The following RANGAP1 variants were observed in gnomAD, a reference collection of about 807,000 sequenced individuals.
The protein encoded by RANGAP1 is ran GTPase-activating protein 1.
A neutral mutation model predicts 63.5 loss-of-function variants in RANGAP1; 38 were observed. The ratio of observed to expected loss-of-function variants is 0.60; its 90% CI spans 0.46 to 0.78. The LOEUF (loss-of-function observed/expected upper bound fraction) is 0.78. RANGAP1 is among the 30% of genes least tolerant of loss of function. The pLI is 0.00. For missense variants in RANGAP1, 630 were observed against 740.3 expected (o/e 0.85, Z 1.73); for synonymous variants, 329 against 310.5 (o/e 1.06, Z -0.63).
intron 2 of RANGAP1, chr22:41,280,722 G>A (rs2035447586): frequency 6.6e-7 from 1 of 1,503,956 alleles, no homozygotes; most frequent in Non-Finnish European, 8.9e-7. Context: ...ACAAAGGGAT[G>A]CCCAATACAA....
chr22:41,297,831 C>T, the RANGAP1 span, among the ~76,000 whole-genome samples: 1 of 151,378 alleles, frequency 6.6e-6, no homozygotes, highest in Non-Finnish European at 1.5e-5. Flanking sequence ...GCTGGGACTA[C>T]AGGTGCACAC....
intron 2 of RANGAP1, among the ~76,000 whole-genome samples, chr22:41,275,320 C>CT (rs1345528146): frequency 2.0e-5 from 3 of 151,992 alleles, no homozygotes; most frequent in Admixed American, 2.0e-4. Flanking sequence ...TGGTGAAACT[C>CT]TGTCTTACTA....
chr22:41,264,707 T>C lies in RANGAP1; in HGVS notation c.437A>G (p.Glu146Gly). The change falls in exon 5 of 16, where the codon GAA becomes GGA. Residue 146 changes from glutamate to glycine, a missense_variant. Around this residue, in one of 3 missense-constraint regions of RANGAP1, gnomAD observed 137 missense variants for 214.3 expected, o/e 0.64. Coordinates refer to ENST00000356244, the MANE Select transcript of RANGAP1 (RefSeq NM_002883.4). Reference protein sequence around the residue: ...LKSSACFTLQELKLNNCGMGI... With the variant: ...LKSSACFTLQGLKLNNCGMGI... ...CATGCCACAGTTGTTGAGCTTGAGT[T>C]CCTGCAGGGTGAAGCAGGCTGAGCT... is the stretch of plus-strand genomic sequence containing the variant. The C allele has an allele frequency of 6.2e-7, 1 of 1,613,836 alleles. No homozygotes were observed. Among genetic ancestry groups the C allele is most frequent in the East Asian group, 2.2e-5 (1 of 44,874 alleles).
At position 41,277,361 on chromosome 22, in the gene RANGAP1, A is replaced by C; in HGVS notation, c.113-2634T>G. 1.2e-5 allele frequency: 9 copies of C among 759,128 alleles called. 1 individual carries two copies. In the South Asian group the frequency reaches 1.6e-4, roughly 13 times the overall value. The allele number at this position is 759,128 out of a possible 1,614,324, so 47.0% of individuals were successfully genotyped here. A position where few individuals can be genotyped will look rare whatever the true frequency, so the allele number is the denominator to read the frequency against. ...CCAAACTGCTGGGATTACAGGCGTG[A>C]GCCACCGCGCCCGGCCGAAAGTGAG... On this transcript the variant is annotated intron_variant, in intron 2 of 15. Transcript: ENST00000356244.
intron 2 of RANGAP1, chr22:41,280,553 T>C: frequency 1.7e-6 from 1 of 597,926 alleles, no homozygotes; most frequent in Non-Finnish European, 2.6e-6. Flanking sequence ...TGGGGAAAGC[T>C]GCAGCTATTC....
Position 41,252,933 on chromosome 22 carries a change from A to G in RANGAP1, c.1319T>C (p.Phe440Ser). 1 of 1,558,594 alleles carries G rather than the reference A, an allele frequency of 6.4e-7. No homozygotes were observed. Among genetic ancestry groups the G allele is most frequent in the South Asian group, 1.2e-5 (1 of 85,058 alleles). Residue 440 changes from phenylalanine to serine, a missense_variant, in exon 12 of 16, where the codon TTT becomes TCT. Phe to Ser is a radical substitution (Grantham distance 155). Transcript: ENST00000356244. The stretch of plus-strand genomic sequence containing the variant: ...GCGCAGCAGCTTCTCTGGAGAGGGA[A>G]AAGCCAGGAAGGTGGAGACGTCTGC... ...PPADVSTFLA[F>S]PSPEKLLRLG...
In RANGAP1 at chr22:41,274,609, C is replaced by T. The variant is rs776267502; in HGVS notation, c.231G>A (p.Ser77=). ...GCCCCACTCTGCTCACCTTCAACTC[C>T]GACTTCTTCTCTAAGGCCTTGGCGA... ...RVIAKALEKK[S]ELKRCHWSDM... Residue 77 remains serine, a synonymous_variant, in exon 3 of 16, where the codon TCG becomes TCA. Transcript: ENST00000356244. 8.5e-5 allele frequency: 137 copies of T among 1,614,056 alleles called. No homozygotes were observed. Among genetic ancestry groups the T allele is most frequent in the East Asian group, 1.1e-4 (5 of 44,894 alleles).
chr22:41,269,897 A>G (rs980061603), intron 3 of RANGAP1, among the ~76,000 whole-genome samples: 2 of 152,230 alleles, frequency 1.3e-5, no homozygotes, highest in African/African-American at 2.4e-5. Context: ...GCAGTGGAGC[A>G]ATCTCGGCTC....
rs1372618072 is a variant in RANGAP1 at position 41,245,518 on chromosome 22, G to A, written c.*1085C>T. 6.6e-6 allele frequency: 1 copy of A among 152,268 alleles called. No homozygotes were observed. Among genetic ancestry groups the A allele is most frequent in the East Asian group, 1.9e-4 (1 of 5,204 alleles). 9.4% of individuals were successfully genotyped at this position (152,268 alleles called of 1,614,324 possible). On this transcript the variant is annotated 3_prime_UTR_variant, in exon 16 of 16. Transcript: ENST00000356244. ...CTTCTGCAGGGCTGACTGCCCCACA[G>A]ACTGCTGCGGGGCCGCATGCTCTGC...
intron 2 of RANGAP1, 108 bp from the exon 3 acceptor site, chr22:41,274,835 C>T (rs939634757): frequency 7.3e-7 from 1 of 1,366,716 alleles, no homozygotes; most frequent in Non-Finnish European, 1.0e-6. Flanking sequence ...GGTGCACCTA[C>T]CATGCAATGA....
rs757029230 is a variant in RANGAP1, at chr22:41,252,980, G to A, written c.1272C>T (p.Pro424=). The stretch of plus-strand genomic sequence containing the variant: ...CTGCAGGAGGTGGGGAGGACAGCAC[G>A]GGAGCTGGCTCCTGGGAAGTAGGGG... ...ILDPNTGEPA[P]VLSSPPPADV... The change falls in exon 12 of 16, where the codon CCC becomes CCT. Residue 424 remains proline (P), a synonymous_variant. Coordinates refer to ENST00000356244, the MANE Select transcript of RANGAP1 (RefSeq NM_002883.4). 23 of 1,506,006 alleles carry A rather than the reference G, an allele frequency of 1.5e-5. No homozygotes were observed. Among genetic ancestry groups the A allele is most frequent in the Admixed American group, 4.8e-5 (2 of 42,012 alleles). The allele number at this position is 1,506,006 out of a possible 1,614,324, so 93.3% of individuals were successfully genotyped here. A position where few individuals can be genotyped will look rare whatever the true frequency, so the allele number is the denominator to read the frequency against.
chr22:41,301,166 T>C, the RANGAP1 span, among the ~76,000 whole-genome samples: 3 of 151,962 alleles, frequency 2.0e-5, no homozygotes, highest in African/African-American at 7.3e-5. Context: ...TTCCCATCTA[T>C]GAGAAGGGCA....
chr22:41,300,986 C>T, the RANGAP1 span, among the ~76,000 whole-genome samples: 1 of 152,120 alleles, frequency 6.6e-6, no homozygotes, highest in Non-Finnish European at 1.5e-5. Context: ...CTGAATTGAG[C>T]CCAAATACTC....
intron 3 of RANGAP1, 134 bp from the exon 4 acceptor site, chr22:41,268,290 T>C: frequency 1.3e-6 from 1 of 749,602 alleles, no homozygotes; most frequent in East Asian, 2.8e-5. Context: ...AGTTTCGCTC[T>C]TGTTGCCCAG....
chr22:41,285,875 T>A, intron 1 of RANGAP1, 111 bp downstream of exon 1: 1 of 219,330 alleles, frequency 4.6e-6, no homozygotes, highest in Non-Finnish European at 7.7e-6. Context: ...GAAGGCTAAG[T>A]GAAGAAGGCC....
intron 11 of RANGAP1, 158 bp from the exon 12 acceptor site, chr22:41,253,149 T>G: frequency 1.3e-6 from 1 of 766,234 alleles, no homozygotes; most frequent in Non-Finnish European, 1.8e-6. Context: ...ATTTCCCATC[T>G]ATCAATATCA....
At position 41,258,122 on chromosome 22, in the gene RANGAP1, A is replaced by G. The variant is rs2033954301; in HGVS notation, c.616-16T>C. Reference sequence around the variant, plus strand: ...TCCCGATGACCTGTGAAGAGGAGGCAGAGAGTGGAGGGGGCCCCGAGTGCC... The same window carrying G: ...TCCCGATGACCTGTGAAGAGGAGGCGGAGAGTGGAGGGGGCCCCGAGTGCC... On this transcript the variant is annotated splice_polypyrimidine_tract_variant and intron_variant, in intron 6 of 15. Transcript: ENST00000356244. 3.2e-6 allele frequency: 5 copies of G among 1,584,656 alleles called. No individual in the cohort carries two copies. Among genetic ancestry groups the G allele is most frequent in the African/African-American group, 1.3e-5 (1 of 74,206 alleles).
At chr22:41,261,693 C>G (rs1381091454) in intron 5 of RANGAP1, 113 bp from the exon 6 acceptor site, 1 of 1,307,516 alleles carries the variant, frequency 7.6e-7, no homozygotes, top group Non-Finnish European at 1.1e-6. Flanking sequence ...CGGTGCAGGT[C>G]AGGGGACGCA....
At position 41,274,705 on chromosome 22, in the gene RANGAP1, A is replaced by T. The variant is rs751287506; in HGVS notation, c.135T>A (p.Ile45=). The part of the protein sequence containing the change: ...AEDAKDVIKE[I]EDFDSLEALR... ...GAGCCTCCAAGCTGTCAAAGTCTTCAATCTCTTTAATCACATCTTTAGCTG... is the reference window on the plus strand; with the variant it reads ...GAGCCTCCAAGCTGTCAAAGTCTTCTATCTCTTTAATCACATCTTTAGCTG... Residue 45 remains isoleucine (I), a synonymous_variant, in exon 3 of 16, where the codon ATT becomes ATA. Coordinates refer to ENST00000356244, the MANE Select transcript of RANGAP1 (RefSeq NM_002883.4). 1.9e-5 allele frequency: 31 copies of T among 1,614,074 alleles called. No homozygotes were observed. Among genetic ancestry groups the T allele is most frequent in the Non-Finnish European group, 2.6e-5 (31 of 1,180,044 alleles).
Sources: allele counts gnomAD v4.1 joint callset (sites outside exome capture counted in the v4.1 genomes callset), GRCh38; gene constraint gnomAD v4.1.1; regional missense constraint gnomAD v4.1.1; transcripts MANE v1.5; gene names NCBI Gene and HGNC (gene_info 2026-07-23, HGNC 2026-07-21).